Variants in ERICH5 observed in about 807,000 individuals in gnomAD.
ERICH5 encodes the protein glutamate rich 5, also known as glutamate-rich protein 5.
Under a neutral mutation model 28.0 loss-of-function variants are expected in ERICH5, and 24 were observed. That is an observed-to-expected ratio of 0.86 (90% confidence interval 0.62 to 1.21). The LOEUF (loss-of-function observed/expected upper bound fraction) is 1.21. Among genes scored for constraint, ERICH5 ranks in the 50% most tolerant of loss-of-function variants. The pLI is 0.00. For synonymous variants in ERICH5, 163 were observed against 157.6 expected, an observed-to-expected ratio of 1.03 and a Z score of -0.25; for missense variants, 421 against 441.2, an observed-to-expected ratio of 0.95 and a Z score of 0.41.
rs769103901 is a variant in ERICH5, at chr8:98,090,007, T to A, written c.990T>A (p.Asn330Lys). The change falls in exon 2 of 3, where the codon AAT becomes AAA. Residue 330 changes from asparagine (N) to lysine (K), a missense_variant. Coordinates refer to ENST00000318528, the MANE Select transcript of ERICH5 (RefSeq NM_173549.3). ...AAATGATCAGGAACATCCATACTAA[T>A]GAAGAGGACCAACGCATTGAAGGTA... ...YVEMIRNIHT[N>K]EEDQRIEGET... 1 of 1,612,544 alleles carries A rather than the reference T, an allele frequency of 6.2e-7. No homozygotes were observed. The highest frequency in any genetic ancestry group is 8.5e-7 in the Non-Finnish European group (1 of 1,179,298).
chr8:98,081,938 A>G, intron 1 of ERICH5, among the ~76,000 whole-genome samples: 1 of 152,104 alleles, frequency 6.6e-6, no homozygotes, highest in East Asian at 1.9e-4. Context: ...AAAAAAAAAA[A>G]AAAAATTCCC....
intron 1 of ERICH5, among the ~76,000 whole-genome samples, chr8:98,066,107 GCTCA>G (rs1411465913): frequency 6.6e-6 from 1 of 152,186 alleles, no homozygotes; most frequent in Non-Finnish European, 1.5e-5. Flanking sequence ...AATGCACAGT[GCTCA>G]CTAACTTTTC....
At chr8:98,078,606 CT>C (rs1815104002) in intron 1 of ERICH5, among the ~76,000 whole-genome samples, 1 of 152,140 alleles carries the variant, frequency 6.6e-6, no homozygotes, top group Non-Finnish European at 1.5e-5. Flanking sequence ...GGTATGTTAG[CT>C]TTAGTTCTAA....
At chr8:98,071,011 C>T (rs961578721) in intron 1 of ERICH5, among the ~76,000 whole-genome samples, 1 of 152,110 alleles carries the variant, frequency 6.6e-6, no homozygotes, top group African/African-American at 2.4e-5. Flanking sequence ...TGCCTGTAAT[C>T]CCAGCACTGT....
At chr8:98,079,383 T>C (rs2130521025) in intron 1 of ERICH5, among the ~76,000 whole-genome samples, 1 of 152,124 alleles carries the variant, frequency 6.6e-6, no homozygotes, top group African/African-American at 2.4e-5. Context: ...ACCCAGATCT[T>C]GCCTGTAGTA....
intron 1 of ERICH5, among the ~76,000 whole-genome samples, chr8:98,082,042 C>G (rs1035606285): frequency 3.9e-5 from 6 of 152,106 alleles, no homozygotes; most frequent in African/African-American, 1.4e-4. Context: ...GGGAAAAGAA[C>G]TTCTGAGCTA....
intron 1 of ERICH5, among the ~76,000 whole-genome samples, chr8:98,072,748 TCAGC>T (rs1814940861): frequency 6.6e-6 from 1 of 152,220 alleles, no homozygotes; most frequent in Non-Finnish European, 1.5e-5. Flanking sequence ...ACATCTGCCT[TCAGC>T]CACCCCAGCA....
rs1815336565 is a variant in ERICH5 at position 98,089,196 on chromosome 8, C to T, written c.179C>T (p.Pro60Leu). 3.7e-6 allele frequency: 6 copies of T among 1,614,160 alleles called. No individual in the cohort carries two copies. Among genetic ancestry groups the T allele is most frequent in the South Asian group, 1.1e-5 (1 of 91,078 alleles). The change falls in exon 2 of 3, where the codon CCT (proline) becomes CTT (leucine). Residue 60 changes from proline (P) to leucine (L), a missense_variant. Transcript: ENST00000318528. ...VDGNVQRESR[P>L]PLQKLKVSAE... ...GGCAATGTACAAAGGGAAAGCCGTC[C>T]TCCCTTACAAAAGCTCAAGGTTTCA...
At chr8:98,092,936 T>G (rs1479868743) in intron 2 of ERICH5, among the ~76,000 whole-genome samples, 6 of 151,952 alleles carry the variant, frequency 3.9e-5, no homozygotes, top group African/African-American at 1.5e-4. Context: ...CCACCATGCC[T>G]AGCTAATTTT....
Position 98,089,332 on chromosome 8 carries a change from G to A in ERICH5, c.315G>A (p.Gln105=). The A allele has an allele frequency of 6.2e-7, 1 of 1,614,266 alleles. No individual in the cohort carries two copies. The highest frequency in any genetic ancestry group is 8.5e-7 in the Non-Finnish European group (1 of 1,180,054). ...TDQSGSTEKT[Q]PGEGLEESGP... is the part of the protein sequence containing the mutation. ...AATCAGGGTCCACAGAAAAGACTCAGCCTGGAGAGGGACTGGAGGAATCTG... is the reference window on the plus strand; with the variant it reads ...AATCAGGGTCCACAGAAAAGACTCAACCTGGAGAGGGACTGGAGGAATCTG... Residue 105 remains glutamine, a synonymous_variant, in exon 2 of 3, where the codon CAG becomes CAA. Transcript: ENST00000318528.
Position 98,064,720 on chromosome 8 carries a change from C to A in ERICH5, c.51C>A (p.Phe17Leu). The stretch of plus-strand genomic sequence containing the variant: ...ACAAGGCCGGCGACAGCAGCAGGTT[C>A]CCCAGCGGTGAGCAGGGTACCGGCG... ...ALNKAGDSSR[F>L]PSVTSNEHFS... The change falls in exon 1 of 3, where the codon TTC (phenylalanine) becomes TTA (leucine). Residue 17 changes from phenylalanine to leucine, a missense_variant. Phe to Leu is a conservative substitution (Grantham distance 22). Coordinates refer to ENST00000318528, the MANE Select transcript of ERICH5 (RefSeq NM_173549.3). The A allele has an allele frequency of 6.5e-7, 1 of 1,531,964 alleles. No homozygotes were observed. 94.9% of individuals were successfully genotyped at this position (1,531,964 alleles called of 1,614,324 possible). A position where few individuals can be genotyped will look rare whatever the true frequency, so the allele number is the denominator to read the frequency against.
At chr8:98,083,915 T>TCCCTTG (rs1441308074) in intron 1 of ERICH5, among the ~76,000 whole-genome samples, 1 of 152,132 alleles carries the variant, frequency 6.6e-6, no homozygotes, top group African/African-American at 2.4e-5. Context: ...AGGGTCTCAC[T>TCCCTTG]CCCTTGCCCA....
chr8:98,089,608 G>A lies in ERICH5; in HGVS notation c.591G>A (p.Leu197=), dbSNP rs148265013. 1,056 of 1,614,184 alleles carry A rather than the reference G, an allele frequency of 6.5e-4. 1 individual carries two copies. The highest frequency in any genetic ancestry group is 8.5e-4 in the Non-Finnish European group (1,003 of 1,180,038). ...GAACAACTGAGAACGTTCTGACTCT[G>A]CAAATAGCTGGAGAGCTACAACCTC... ...PLGTTENVLT[L]QIAGELQPQG... Residue 197 remains leucine, a synonymous_variant, in exon 2 of 3, where the codon CTG becomes CTA. Transcript: ENST00000318528.
intron 2 of ERICH5, among the ~76,000 whole-genome samples, chr8:98,091,894 TTCTTTCC>T (rs1202645948): frequency 1.1e-3 from 74 of 66,808 alleles, no homozygotes; most frequent in African/African-American, 3.6e-3. Flanking sequence ...CTTTCTTTCT[TTCTTTCC>T]TTTCTTTCTT....
At chr8:98,083,177 A>G (rs756332782) in intron 1 of ERICH5, among the ~76,000 whole-genome samples, 1 of 152,238 alleles carries the variant, frequency 6.6e-6, no homozygotes, top group Non-Finnish European at 1.5e-5. Context: ...CAGGTGGATG[A>G]AAATGGTTTG....
chr8:98,066,264 A>T (rs1231760625), intron 1 of ERICH5, among the ~76,000 whole-genome samples: 1 of 152,212 alleles, frequency 6.6e-6, no homozygotes, highest in Non-Finnish European at 1.5e-5. Flanking sequence ...GTGGGTTTCA[A>T]TATGAAAAGC....
At chr8:98,092,561 TGCCAAA>T (rs1246618292) in intron 2 of ERICH5, among the ~76,000 whole-genome samples, 1 of 152,068 alleles carries the variant, frequency 6.6e-6, no homozygotes. Flanking sequence ...TGCCTCAGCT[TGCCAAA>T]GCATTGGGAT....
intron 2 of ERICH5, among the ~76,000 whole-genome samples, chr8:98,091,144 G>T (rs1815375531): frequency 1.3e-5 from 2 of 152,088 alleles, no homozygotes; most frequent in African/African-American, 4.8e-5. Flanking sequence ...CACCACATTG[G>T]CCAGGCTGGT....
At chr8:98,081,526 A>G (rs1815182668) in intron 1 of ERICH5, among the ~76,000 whole-genome samples, 1 of 152,218 alleles carries the variant, frequency 6.6e-6, no homozygotes, top group African/African-American at 2.4e-5. Context: ...GTATTATCTC[A>G]TGTAATCCTC....
Sources: allele counts gnomAD v4.1 joint callset (sites outside exome capture counted in the v4.1 genomes callset), GRCh38; gene constraint gnomAD v4.1.1; transcripts MANE v1.5; gene names NCBI Gene and HGNC (gene_info 2026-07-23, HGNC 2026-07-21).